Variants in ZBTB20 observed in about 807,000 individuals in gnomAD.
ZBTB20 encodes the protein zinc finger and BTB domain-containing protein 20.
In ZBTB20, 9 loss-of-function variants were observed where a neutral mutation model predicts 56.9. That is an observed-to-expected ratio of 0.16 (90% CI 0.10 to 0.28). The LOEUF is 0.28. Among genes scored for constraint, ZBTB20 ranks in the 10% least tolerant of loss-of-function variants. ZBTB20 has a pLI of 1.00. For synonymous variants in ZBTB20, 417 were observed against 420.7 expected (o/e 0.99, Z 0.11); for missense variants, 655 against 1,003.0 (o/e 0.65, Z 4.69).
intron 2 of ZBTB20, among the ~76,000 whole-genome samples, chr3:114,995,582 G>T (rs2078993385): frequency 6.6e-6 from 1 of 151,688 alleles, no homozygotes; most frequent in African/African-American, 2.4e-5. Context: ...CTTTTATTTA[G>T]TAACTTTGAA....
At chr3:114,380,986 CAACT>C (rs1259072677) in intron 8 of ZBTB20, 46 bp from the exon 9 acceptor site, 11 of 378,270 alleles carry the variant, frequency 2.9e-5, no homozygotes, top group Middle Eastern at 4.5e-4. Flanking sequence ...AGGTTCCTTC[CAACT>C]TTAAATTTCT....
intron 7 of ZBTB20, among the ~76,000 whole-genome samples, chr3:114,462,301 T>C (rs1468507254): frequency 1.3e-5 from 2 of 152,166 alleles, no homozygotes; most frequent in Non-Finnish European, 2.9e-5. Context: ...AGTCTGTAGA[T>C]GTTTAAAGGG....
chr3:114,930,817 G>A (rs2076330720), intron 3 of ZBTB20: 1 of 291,782 alleles, frequency 3.4e-6, no homozygotes. Context: ...TGTAGGACAC[G>A]GAGAGACTGT....
At position 114,335,221 on chromosome 3, in the gene ZBTB20, T is replaced by C. The variant is rs1272370010; in HGVS notation, c.*3784A>G. On this transcript the variant is annotated 3_prime_UTR_variant, in exon 12 of 12. Coordinates refer to ENST00000675478, the MANE Select transcript of ZBTB20 (RefSeq NM_001348800.3). ...TTCCATACTATTTCTCTCTTCCTTG[T>C]ACTCATCCTAAGAAGTCTTAAATCT... 1.3e-5 allele frequency: 2 copies of C among 152,332 alleles called. No homozygotes were observed. Among genetic ancestry groups the C allele is most frequent in the African/African-American group, 2.4e-5 (1 of 41,572 alleles). 9.4% of individuals were successfully genotyped at this position (152,332 alleles called of 1,614,324 possible). A position where few individuals can be genotyped will look rare whatever the true frequency, so the allele number is the denominator to read the frequency against.
chr3:115,132,384 CCTT>C (rs1560596845), intron 1 of ZBTB20, among the ~76,000 whole-genome samples: 1 of 152,026 alleles, frequency 6.6e-6, no homozygotes, highest in Non-Finnish European at 1.5e-5. Flanking sequence ...TATCCAACTA[CCTT>C]ATCAATTTTT....
chr3:114,643,870 C>T (rs565009863), intron 6 of ZBTB20, among the ~76,000 whole-genome samples: 10 of 152,038 alleles, frequency 6.6e-5, no homozygotes, highest in Admixed American at 2.0e-4. Context: ...ACATTTTGCC[C>T]GTACCTCTCC....
chr3:114,697,630 G>GTGTACC (rs2063125555), intron 5 of ZBTB20, among the ~76,000 whole-genome samples: 1 of 151,668 alleles, frequency 6.6e-6, no homozygotes, highest in African/African-American at 2.4e-5. Context: ...TTTTGTCTCT[G>GTGTACC]TGTACCGGTT....
intron 6 of ZBTB20, among the ~76,000 whole-genome samples, chr3:114,607,461 G>T (rs1320965815): frequency 1.3e-5 from 2 of 151,720 alleles, no homozygotes; most frequent in Non-Finnish European, 2.9e-5. Context: ...CACCCCCAAC[G>T]CCGGGCTAAT....
rs1307276822 is a variant in ZBTB20, at chr3:114,322,016, C to G, written c.*16989G>C. 6.6e-6 allele frequency: 1 copy of G among 152,268 alleles called. No individual in the cohort carries two copies. The highest frequency in any genetic ancestry group is 2.4e-5 in the African/African-American group (1 of 41,456). 9.4% of individuals were successfully genotyped at this position (152,268 alleles called of 1,614,324 possible). A position where few individuals can be genotyped will look rare whatever the true frequency, so the allele number is the denominator to read the frequency against. ...ATGGGCATGGGCGTTTCAACCACTC[C>G]AGAAATCACAACAAAATCCAGACTG... On this transcript the variant is annotated 3_prime_UTR_variant, in exon 12 of 12. Transcript: ENST00000675478.
At chr3:114,991,819 T>A (rs573376694) in intron 2 of ZBTB20, among the ~76,000 whole-genome samples, 5 of 152,266 alleles carry the variant, frequency 3.3e-5, no homozygotes, top group African/African-American at 9.6e-5. Flanking sequence ...TTAGGATAGT[T>A]AGCTCTTCTT....
At position 114,731,886 on chromosome 3, in the gene ZBTB20, A is replaced by AACTAATCCGGCTGTGCCTAGATTAGTT. The variant is rs1560182002; in HGVS notation, c.-342-38338_-342-38312dup. On this transcript the variant is annotated intron_variant, in intron 5 of 11. Transcript: ENST00000675478. ...CTAATCCGGCTGTGCCTAGATTAGT[A>AACTAATCCGGCTGTGCCTAGATTAGTT]ACTAATCCGGCTGTGCCTAGATTAG... Among the ~76,000 whole-genome samples the AACTAATCCGGCTGTGCCTAGATTAGTT allele has an allele frequency of 1.9e-3, 284 of 149,772 alleles. 1 individual carries two copies. Among genetic ancestry groups the AACTAATCCGGCTGTGCCTAGATTAGTT allele is most frequent in the Non-Finnish European group, 2.7e-3 (179 of 67,036 alleles).
intron 7 of ZBTB20, among the ~76,000 whole-genome samples, chr3:114,454,175 G>GGAGAGAGAGAGA (rs71146322): frequency 0.018 from 2,122 of 116,582 alleles, 80 homozygotes; most frequent in African/African-American, 0.045. Flanking sequence ...AAAAGAGAAG[G>GGAGAGAGAGAGA]GAGAGAGAGA....
At chr3:114,618,161 T>C (rs2058064258) in intron 6 of ZBTB20, among the ~76,000 whole-genome samples, 1 of 151,738 alleles carries the variant, frequency 6.6e-6, no homozygotes, top group Non-Finnish European at 1.5e-5. Flanking sequence ...TCAATAAATA[T>C]TTATTAATAA....
chr3:114,451,070 TCTTA>T (rs1396968708), intron 7 of ZBTB20, among the ~76,000 whole-genome samples: 1 of 152,054 alleles, frequency 6.6e-6, no homozygotes, highest in East Asian at 1.9e-4. Context: ...TATTTAAATC[TCTTA>T]CTTAATTCTT....
intron 6 of ZBTB20, among the ~76,000 whole-genome samples, chr3:114,570,559 T>C (rs1241032109): frequency 6.6e-6 from 1 of 152,090 alleles, no homozygotes; most frequent in East Asian, 1.9e-4. Context: ...TCAGACAGTG[T>C]GCAGAGTTAG....
chr3:114,587,747 G>A (rs1350778555), intron 6 of ZBTB20, among the ~76,000 whole-genome samples: 1 of 152,130 alleles, frequency 6.6e-6, no homozygotes, highest in East Asian at 1.9e-4. Context: ...CATTTCCACT[G>A]CCTCCAGAAG....
intron 2 of ZBTB20, among the ~76,000 whole-genome samples, chr3:115,025,858 T>C (rs578017799): frequency 6.7e-6 from 1 of 149,114 alleles, no homozygotes; most frequent in South Asian, 2.1e-4. Flanking sequence ...GTTTCTCTTA[T>C]ATTTCTAAAT....
rs544055454 is a variant in ZBTB20, at chr3:114,938,596, C to T, written c.-456+35770G>A. On this transcript the variant is annotated intron_variant, in intron 3 of 11. Coordinates refer to ENST00000675478, the MANE Select transcript of ZBTB20 (RefSeq NM_001348800.3). ...AACAGAAAACCAAACACCGCATGTT[C>T]GCACTCATAAGTGGGAGCTGAACAA... is the stretch of plus-strand genomic sequence containing the variant. Among the ~76,000 whole-genome samples the T allele has an allele frequency of 4.8e-5, 7 of 145,920 alleles. No individual in the cohort carries two copies. The East Asian group carries it at 7.7e-4, about 16-fold the overall frequency.
chr3:114,697,083 G>GAAAAA (rs2063080035), intron 5 of ZBTB20, among the ~76,000 whole-genome samples: 1 of 91,498 alleles, frequency 1.1e-5, no homozygotes, highest in Non-Finnish European at 2.3e-5. Context: ...AAAAGAAGAA[G>GAAAAA]AAAGAGAAAA....
Sources: allele counts gnomAD v4.1 joint callset (sites outside exome capture counted in the v4.1 genomes callset), GRCh38; gene constraint gnomAD v4.1.1; transcripts MANE v1.5; gene names NCBI Gene and HGNC (gene_info 2026-07-23, HGNC 2026-07-21).